TMEM131: variants seen among roughly 807,000 people sequenced by gnomAD.
The protein encoded by TMEM131 is transmembrane protein 131.
TMEM131 carries 66 observed loss-of-function variants against 211.6 expected under a neutral mutation model. The observed-to-expected ratio is 0.31, with a 90% CI of 0.26 to 0.38. The LOEUF is 0.38. TMEM131 is among the 10% of genes least tolerant of loss of function. TMEM131 has a pLI of 1.00. For synonymous variants in TMEM131, 844 were observed against 841.3 expected, an observed-to-expected ratio of 1.00 and a Z score of -0.06; for missense variants, 2,036 against 2,299.3, an observed-to-expected ratio of 0.89 and a Z score of 2.34.
intron 11 of TMEM131, among the ~76,000 whole-genome samples, chr2:97,826,975 C>T (rs1366064048): frequency 6.7e-6 from 1 of 150,136 alleles, no homozygotes; most frequent in Non-Finnish European, 1.5e-5. Flanking sequence ...TCCGACCAGA[C>T]CTAGGAGGAA....
intron 4 of TMEM131, among the ~76,000 whole-genome samples, chr2:97,885,965 TTTTC>T (rs1158588277): frequency 1.3e-5 from 2 of 152,202 alleles, no homozygotes; most frequent in African/African-American, 4.8e-5. Flanking sequence ...CTTCACCCTT[TTTTC>T]TTTTTTTGTC....
At chr2:97,811,279 G>T in intron 17 of TMEM131, 47 bp from the exon 18 acceptor site, 1 of 1,446,708 alleles carries the variant, frequency 6.9e-7, no homozygotes, top group Non-Finnish European at 9.7e-7. Context: ...GTTAGTTGAA[G>T]TTTCCTATTA....
At chr2:97,852,898 G>C (rs1673685649) in intron 5 of TMEM131, among the ~76,000 whole-genome samples, 1 of 152,198 alleles carries the variant, frequency 6.6e-6, no homozygotes, top group Admixed American at 6.5e-5. Context: ...GAGACCTTAA[G>C]AACTGTGCTA....
rs1679597709 is a variant in TMEM131 at position 97,774,141 on chromosome 2, C to T, written c.4320+1702G>A. ...CCAGAGCTAGGGCTAAAACATCTCC[C>T]TGGCTCACATATCGTTTGAAACTAC... On this transcript the variant is annotated intron_variant, in intron 32 of 40. Transcript: ENST00000186436. 2.0e-5 allele frequency among the ~76,000 whole-genome samples: 3 copies of T among 152,374 alleles called. No homozygotes were observed. In the South Asian group the frequency reaches 6.2e-4, roughly 32 times the overall value.
chr2:97,983,966 T>C (rs1047758523), intron 1 of TMEM131, among the ~76,000 whole-genome samples: 2 of 152,184 alleles, frequency 1.3e-5, no homozygotes, highest in Admixed American at 1.3e-4. Context: ...CCCACTCAAC[T>C]TGTGATAATT....
At chr2:97,897,960 T>G (rs114926391) in intron 3 of TMEM131, among the ~76,000 whole-genome samples, 2 of 152,144 alleles carry the variant, frequency 1.3e-5, no homozygotes, top group Non-Finnish European at 2.9e-5. Flanking sequence ...TTTCAAGTAT[T>G]TGACCACTTC....
Position 97,766,248 on chromosome 2 carries a change from A to G in TMEM131, c.4589T>C (p.Val1530Ala), listed in dbSNP as rs753364906. 5.0e-6 allele frequency: 8 copies of G among 1,614,064 alleles called. No individual in the cohort carries two copies. In the East Asian group the frequency reaches 1.8e-4, roughly 36 times the overall value. The change falls in exon 35 of 41, where the codon GTG becomes GCG. Residue 1530 changes from valine to alanine, a missense_variant. Val to Ala is a moderately conservative substitution (Grantham distance 64). Transcript: ENST00000186436. ...AQKTKGTSKL[V>A]DNRPPALAKF... Reference sequence around the variant, plus strand: ...TGCTAGGGCAGGTGGTCTGTTATCCACTAACTTACTTGTACCTGCACAAAA... The same window carrying G: ...TGCTAGGGCAGGTGGTCTGTTATCCGCTAACTTACTTGTACCTGCACAAAA...
chr2:97,774,329 A>G (rs560664029), intron 32 of TMEM131, among the ~76,000 whole-genome samples: 77 of 152,346 alleles, frequency 5.1e-4, no homozygotes, highest in African/African-American at 1.7e-3. Flanking sequence ...GTGTTGACTG[A>G]ATGGGTAGAA....
intron 1 of TMEM131, among the ~76,000 whole-genome samples, chr2:97,985,370 C>T (rs1983073): frequency 0.99 from 146,966 of 148,952 alleles, 72,501 homozygotes; most frequent in Middle Eastern, 1. Flanking sequence ...TATATATATA[C>T]ACACACACAC....
At chr2:97,912,093 C>T (rs1382216890) in intron 2 of TMEM131, among the ~76,000 whole-genome samples, 1 of 151,836 alleles carries the variant, frequency 6.6e-6, no homozygotes, top group African/African-American at 2.4e-5. Flanking sequence ...GCAGAAATGT[C>T]AAAGGTCAGA....
chr2:97,808,176 CAA>C (rs774580332), intron 19 of TMEM131, among the ~76,000 whole-genome samples: 1 of 152,080 alleles, frequency 6.6e-6, no homozygotes, highest in Non-Finnish European at 1.5e-5. Context: ...GTGCATGAAG[CAA>C]AGTTTTGACT....
At chr2:97,977,989 T>C (rs1447639423) in intron 1 of TMEM131, among the ~76,000 whole-genome samples, 1 of 152,016 alleles carries the variant, frequency 6.6e-6, no homozygotes, top group African/African-American at 2.4e-5. Flanking sequence ...CGGGAGGTCA[T>C]GGCAGAAGAA....
chr2:97,955,918 A>G (rs1388279264), intron 1 of TMEM131, among the ~76,000 whole-genome samples: 1 of 152,246 alleles, frequency 6.6e-6, no homozygotes, highest in Non-Finnish European at 1.5e-5. Context: ...CCAAATTAAT[A>G]TACAGGTTTA....
intron 33 of TMEM131, among the ~76,000 whole-genome samples, chr2:97,771,845 T>C (rs1679482857): frequency 6.6e-6 from 1 of 152,252 alleles, no homozygotes; most frequent in Admixed American, 6.5e-5. Context: ...TCTGAACCAT[T>C]TTTAAGGTAA....
rs1219665111 is a variant in TMEM131, at chr2:97,766,688, T to C, written c.4449-86A>G. 6.0e-6 allele frequency: 9 copies of C among 1,507,502 alleles called. No individual in the cohort carries two copies. The East Asian group carries it at 1.2e-4, about 19-fold the overall frequency. The allele number at this position is 1,507,502 out of a possible 1,614,324, so 93.4% of individuals were successfully genotyped here. A position where few individuals can be genotyped will look rare whatever the true frequency, so the allele number is the denominator to read the frequency against. On this transcript the variant is annotated intron_variant, in intron 33 of 40. Coordinates refer to ENST00000186436, the MANE Select transcript of TMEM131 (RefSeq NM_015348.2). ...CATTAAGATTGTAATTCTTCTACAA[T>C]ACAACTGCATGCAGGAAGCTAATGT...
intron 1 of TMEM131, among the ~76,000 whole-genome samples, chr2:97,993,240 T>C (rs1680339450): frequency 6.6e-6 from 1 of 152,204 alleles, no homozygotes; most frequent in African/African-American, 2.4e-5. Flanking sequence ...TTTAAACTAG[T>C]TTATGCTACT....
rs773147161 is a variant in TMEM131 at position 97,792,703 on chromosome 2, G to A, written c.3827C>T (p.Ala1276Val). Residue 1276 changes from alanine to valine, a missense_variant, in exon 31 of 41, where the codon GCG becomes GTG. This residue lies in a region of TMEM131 where 1,623 missense variants were observed against 1,805.9 expected (regional missense o/e 0.90). Coordinates refer to ENST00000186436, the MANE Select transcript of TMEM131 (RefSeq NM_015348.2). ...CTTTGCCCCTTTGGACTTTCTGCCC[G>A]CTGTATGACCTTGAGTCACTGTGTT... is the stretch of plus-strand genomic sequence containing the variant. ...DSNTVTQGHTAGRKSKGAKQS... is the reference protein window; with the variant it reads ...DSNTVTQGHTVGRKSKGAKQS... 14 of 1,614,028 alleles carry A rather than the reference G, an allele frequency of 8.7e-6. No individual in the cohort carries two copies. Among genetic ancestry groups the A allele is most frequent in the East Asian group, 4.5e-5 (2 of 44,886 alleles).
intron 19 of TMEM131, among the ~76,000 whole-genome samples, chr2:97,809,103 T>C (rs1681436426): frequency 6.6e-6 from 1 of 152,216 alleles, no homozygotes; most frequent in Non-Finnish European, 1.5e-5. Context: ...AGCCAGTCTT[T>C]AAAGCTCAGC....
chr2:97,796,890 G>A lies in TMEM131; in HGVS notation c.2967C>T (p.Ser989=). The A allele has an allele frequency of 6.2e-7, 1 of 1,613,936 alleles. No individual in the cohort carries two copies. Among genetic ancestry groups the A allele is most frequent in the Non-Finnish European group, 8.5e-7 (1 of 1,179,848 alleles). The change falls in exon 27 of 41, where the codon TCC becomes TCT. Residue 989 remains serine, a synonymous_variant. Coordinates refer to ENST00000186436, the MANE Select transcript of TMEM131 (RefSeq NM_015348.2). ...VAGKLPGPGS[S]LRFKITEALL... is the part of the protein sequence containing the mutation. The stretch of plus-strand genomic sequence containing the variant: ...ATGCTTCCGTGATTTTAAAGCGTAA[G>A]GAGCTTCCTGGACCTGGAAGCTTGC...
Sources: gnomAD v4.1 joint callset for allele counts (sites outside exome capture counted in the v4.1 genomes callset) on GRCh38, gnomAD v4.1.1 for gene constraint, gnomAD v4.1.1 regional missense constraint, MANE v1.5 for transcripts, NCBI Gene and HGNC (gene_info 2026-07-23, HGNC 2026-07-21) for gene names.